TP53BP1: variants seen among roughly 807,000 people sequenced by gnomAD.
TP53BP1 encodes TP53-binding protein 1.
A neutral mutation model predicts 200.8 loss-of-function variants in TP53BP1; 61 were observed. The ratio of observed to expected loss-of-function variants is 0.30; its 90% CI spans 0.25 to 0.38. TP53BP1 has a LOEUF of 0.38. Among genes scored for constraint, TP53BP1 ranks in the 10% least tolerant of loss-of-function variants. The pLI is 1.00. For synonymous variants in TP53BP1, 822 were observed against 844.3 expected (o/e 0.97, Z 0.46); for missense variants, 2,144 against 2,371.9 (o/e 0.90, Z 2.00).
At position 43,479,389 on chromosome 15, in the gene TP53BP1, C is replaced by T. The variant is rs771507638; in HGVS notation, c.788+8G>A. ...ACTCGTAAATCCTTTTTAGAAAGTT[C>T]GGCTTACCTTGCAGGTGGTGGATTT... On this transcript the variant is annotated splice_region_variant and intron_variant, in intron 7 of 27. Coordinates refer to ENST00000382044, the MANE Select transcript of TP53BP1 (RefSeq NM_001141980.3). 12 of 1,590,170 alleles carry T rather than the reference C, an allele frequency of 7.5e-6. No individual in the cohort carries two copies. Among genetic ancestry groups the T allele is most frequent in the African/African-American group, 6.8e-5 (5 of 73,782 alleles).
chr15:43,451,345 C>T (rs1366953341), intron 12 of TP53BP1, among the ~76,000 whole-genome samples: 1 of 151,966 alleles, frequency 6.6e-6, no homozygotes, highest in Non-Finnish European at 1.5e-5. Flanking sequence ...TCCCCCCACC[C>T]CACAACAGTC....
At chr15:43,438,584 T>C (rs192099882) in intron 15 of TP53BP1, among the ~76,000 whole-genome samples, 168 bp from the exon 16 acceptor site, 16 of 152,186 alleles carry the variant, frequency 1.1e-4, no homozygotes, top group African/African-American at 2.4e-4. Flanking sequence ...ATTAGCATAA[T>C]TTAAAATTCT....
intron 10 of TP53BP1, among the ~76,000 whole-genome samples, chr15:43,472,855 T>C (rs2046760362): frequency 6.6e-6 from 1 of 152,184 alleles, no homozygotes; most frequent in South Asian, 2.1e-4. Flanking sequence ...GGATGGTGTG[T>C]CCAGAATTGG....
chr15:43,406,691 T>C lies in TP53BP1; in HGVS notation c.*692A>G. ...GAAGGGAAGGAACTGCTTCCAGCTATTGTGACAATAATAATAATAATAATA... is the reference window on the plus strand; with the variant it reads ...GAAGGGAAGGAACTGCTTCCAGCTACTGTGACAATAATAATAATAATAATA... On this transcript the variant is annotated 3_prime_UTR_variant, in exon 28 of 28. Transcript: ENST00000382044. 2.3e-6 allele frequency: 1 copy of C among 440,978 alleles called. No individual in the cohort carries two copies. The highest frequency in any genetic ancestry group is 2.0e-5 in the African/African-American group (1 of 49,086). The allele number at this position is 440,978 out of a possible 1,614,324, so 27.3% of individuals were successfully genotyped here. A position where few individuals can be genotyped will look rare whatever the true frequency, so the allele number is the denominator to read the frequency against.
At chr15:43,494,193 T>C (rs1229472203), upstream of TP53BP1, among the ~76,000 whole-genome samples, 2 of 152,172 alleles carry the variant, frequency 1.3e-5, no homozygotes, top group East Asian at 3.8e-4. Flanking sequence ...GTGCCAAACA[T>C]ATACATAGTA....
intron 16 of TP53BP1, among the ~76,000 whole-genome samples, chr15:43,437,046 C>A (rs2045815480): frequency 6.6e-6 from 1 of 151,922 alleles, no homozygotes; most frequent in Admixed American, 6.6e-5. Context: ...GTAGTCCTAG[C>A]CACTCAGGGG....
intron 1 of TP53BP1, among the ~76,000 whole-genome samples, chr15:43,503,229 T>G (rs2079219280): frequency 6.6e-6 from 1 of 152,230 alleles, no homozygotes; most frequent in African/African-American, 2.4e-5. Context: ...ACCCAAAAAG[T>G]TCCCTGTGCC....
intron 19 of TP53BP1, 142 bp downstream of exon 19, chr15:43,421,713 G>C: frequency 8.2e-7 from 1 of 1,220,720 alleles, no homozygotes; most frequent in South Asian, 1.5e-5. Flanking sequence ...AACAGGAAGA[G>C]AGCAAATAGT....
chr15:43,503,536 G>A (rs543090643), intron 1 of TP53BP1, among the ~76,000 whole-genome samples: 15 of 152,304 alleles, frequency 9.8e-5, no homozygotes, highest in African/African-American at 3.4e-4. Context: ...GCCAGCGCCT[G>A]TAATTCCAGC....
At position 43,456,753 on chromosome 15, in the gene TP53BP1, C is replaced by A; in HGVS notation, c.1855G>T (p.Asp619Tyr). The A allele has an allele frequency of 1.2e-6, 2 of 1,614,100 alleles. No homozygotes were observed. Among genetic ancestry groups the A allele is most frequent in the Non-Finnish European group, 8.5e-7 (1 of 1,180,042 alleles). The change falls in exon 12 of 28, where the codon GAT (aspartate) becomes TAT (tyrosine). Residue 619 changes from aspartate (D) to tyrosine (Y), a missense_variant. Around this residue, in one of 4 missense-constraint regions of TP53BP1, gnomAD observed 1,700 missense variants for 1,710.3 expected, o/e 0.99. Coordinates refer to ENST00000382044, the MANE Select transcript of TP53BP1 (RefSeq NM_001141980.3). ...CKGREETVAE[D>Y]VCIDLTCDSG... ...TCACAAGTGAGATCAATACAAACAT[C>A]TTCTGCTACCGTTTCTTCTCTGCCC... is the stretch of plus-strand genomic sequence containing the variant.
At chr15:43,482,755 G>A (rs1383043103) in intron 4 of TP53BP1, among the ~76,000 whole-genome samples, 2 of 151,476 alleles carry the variant, frequency 1.3e-5, no homozygotes, top group Non-Finnish European at 2.9e-5. Flanking sequence ...GAGACATGGC[G>A]AGACTCCGTC....
Position 43,456,228 on chromosome 15 carries a change from C to G in TP53BP1, c.2380G>C (p.Asp794His). The change falls in exon 12 of 28, where the codon GAT becomes CAT. Residue 794 changes from aspartate (D) to histidine (H), a missense_variant. Coordinates refer to ENST00000382044, the MANE Select transcript of TP53BP1 (RefSeq NM_001141980.3). ...EKCSDSQSWEDIAPEIEPCAE... is the reference protein window; with the variant it reads ...EKCSDSQSWEHIAPEIEPCAE... ...CATGGTTCTATTTCTGGAGCAATATCCTCCCATGACTGGGAATCTGAGCAC... is the reference window on the plus strand; with the variant it reads ...CATGGTTCTATTTCTGGAGCAATATGCTCCCATGACTGGGAATCTGAGCAC... The G allele has an allele frequency of 6.2e-7, 1 of 1,614,152 alleles. No individual in the cohort carries two copies. Among genetic ancestry groups the G allele is most frequent in the African/African-American group, 1.3e-5 (1 of 75,064 alleles).
At chr15:43,498,865 G>C (rs2079194488) in intron 1 of TP53BP1, among the ~76,000 whole-genome samples, 1 of 152,072 alleles carries the variant, frequency 6.6e-6, no homozygotes, top group African/African-American at 2.4e-5. Flanking sequence ...TTGGTACTAA[G>C]CAAAACTAAA....
chr15:43,483,233 AACACACACACACACACACACAC>A (rs71431896), intron 4 of TP53BP1, among the ~76,000 whole-genome samples: 5 of 142,728 alleles, frequency 3.5e-5, no homozygotes, highest in African/African-American at 1.3e-4. Context: ...AAAAGTACAG[AACACACACACACACACACACAC>A]ACACACACAC....
At chr15:43,408,868 A>G (rs564616397) in intron 26 of TP53BP1, 29 bp downstream of exon 26, 1 of 1,610,204 alleles carries the variant, frequency 6.2e-7, no homozygotes, top group East Asian at 2.2e-5. Flanking sequence ...TCCTGCCTAT[A>G]CAATTCTGGA....
At chr15:43,500,937 T>C (rs2584725) in intron 1 of TP53BP1, among the ~76,000 whole-genome samples, 42,858 of 151,896 alleles carry the variant, frequency 0.28, 10,233 homozygotes, top group African/African-American at 0.65. Context: ...GGGAGGCCAA[T>C]GCAGGAGGAT....
intron 4 of TP53BP1, among the ~76,000 whole-genome samples, chr15:43,483,932 CA>C (rs2079010478): frequency 1.3e-5 from 2 of 152,232 alleles, no homozygotes; most frequent in African/African-American, 4.8e-5. Flanking sequence ...TTAATGACCT[CA>C]TCCAGACTCA....
At chr15:43,450,482 C>A (rs2046141112) in intron 12 of TP53BP1, among the ~76,000 whole-genome samples, 1 of 152,172 alleles carries the variant, frequency 6.6e-6, no homozygotes, top group African/African-American at 2.4e-5. Flanking sequence ...AAGGTTATAG[C>A]TAGAGCCTAA....
chr15:43,420,798 C>A, intron 20 of TP53BP1, 63 bp from the exon 21 acceptor site: 1 of 1,457,326 alleles, frequency 6.9e-7, no homozygotes. Context: ...ATATATCTAC[C>A]AATTTTTCCA....
Sources: allele counts gnomAD v4.1 joint callset (sites outside exome capture counted in the v4.1 genomes callset), GRCh38; gene constraint gnomAD v4.1.1; regional missense constraint gnomAD v4.1.1; transcripts MANE v1.5; gene names NCBI Gene and HGNC (gene_info 2026-07-23, HGNC 2026-07-21).